The following RPS6KA2 variants were observed in gnomAD, a reference collection of about 807,000 sequenced individuals.
RPS6KA2 encodes the protein ribosomal protein S6 kinase alpha-2.
Under a neutral mutation model 91.8 loss-of-function variants are expected in RPS6KA2, and 42 were observed. The observed-to-expected ratio is 0.46, with a 90% CI of 0.36 to 0.59. The LOEUF is 0.59. Among genes scored for constraint, RPS6KA2 ranks in the 20% least tolerant of loss-of-function variants. The pLI, the probability that RPS6KA2 is intolerant of heterozygous loss-of-function variation, is 0.00. For missense variants in RPS6KA2, 798 were observed against 978.5 expected (o/e 0.82, Z 2.46); for synonymous variants, 414 against 393.6 (o/e 1.05, Z -0.61).
intron 14 of RPS6KA2, among the ~76,000 whole-genome samples, chr6:166,439,722 T>C (rs1225606156): frequency 2.0e-5 from 3 of 152,118 alleles, no homozygotes; most frequent in Admixed American, 6.5e-5. Context: ...CCTGTGGGCT[T>C]TGGGTGCATA....
chr6:166,704,061 A>G (rs1789608854), intron 2 of RPS6KA2, among the ~76,000 whole-genome samples: 1 of 152,242 alleles, frequency 6.6e-6, no homozygotes, highest in Non-Finnish European at 1.5e-5. Flanking sequence ...CAGAAAGCTG[A>G]GGAGCCAGAA....
intron 2 of RPS6KA2, among the ~76,000 whole-genome samples, chr6:166,831,081 T>C (rs765970754): frequency 3.9e-4 from 59 of 152,060 alleles, no homozygotes; most frequent in Non-Finnish European, 7.1e-4. Flanking sequence ...GACCCTCCAG[T>C]GGCAGGGGGT....
At chr6:166,754,092 T>C (rs1286661282) in intron 2 of RPS6KA2, among the ~76,000 whole-genome samples, 1 of 152,218 alleles carries the variant, frequency 6.6e-6, no homozygotes, top group East Asian at 1.9e-4. Context: ...GATGACTGCC[T>C]AGGACCGCCT....
intron 2 of RPS6KA2, among the ~76,000 whole-genome samples, chr6:166,660,421 TGAGA>T (rs148446807): frequency 6.7e-6 from 1 of 149,524 alleles, no homozygotes; most frequent in African/African-American, 2.5e-5. Flanking sequence ...TGTGTGTGTG[TGAGA>T]GAGAGAGAAG....
Position 166,494,463 on chromosome 6 carries a change from G to A in RPS6KA2, c.748-3722C>T, listed in dbSNP as rs1781710907. On this transcript the variant is annotated intron_variant, in intron 8 of 20. Coordinates refer to ENST00000265678, the MANE Select transcript of RPS6KA2 (RefSeq NM_021135.6). The surrounding 1 kb of genome is among the most constrained non-coding windows in gnomAD (Gnocchi z 5.1). ...AGGCGGGATGTCCAGAACATTCCGT[G>A]CCCGTGGTTAAGAAACGGGAGAAGG... is the stretch of plus-strand genomic sequence containing the variant. Among the ~76,000 whole-genome samples, 1 of 152,224 alleles carries A rather than the reference G, an allele frequency of 6.6e-6. No homozygotes were observed. The highest frequency in any genetic ancestry group is 1.5e-5 in the Non-Finnish European group (1 of 68,038).
chr6:166,468,513 C>T (rs530860047), intron 11 of RPS6KA2, among the ~76,000 whole-genome samples: 5 of 152,184 alleles, frequency 3.3e-5, no homozygotes, highest in African/African-American at 4.8e-5. Context: ...TCTGGGGCTG[C>T]AGGTGGGGCC....
chr6:166,527,432 C>T (rs953864259), intron 3 of RPS6KA2, among the ~76,000 whole-genome samples: 1 of 152,196 alleles, frequency 6.6e-6, no homozygotes, highest in Non-Finnish European at 1.5e-5. Context: ...TTGCCTTTGT[C>T]TTAAACCACA....
At chr6:166,755,163 G>A (rs1001213707) in intron 2 of RPS6KA2, among the ~76,000 whole-genome samples, 3 of 152,170 alleles carry the variant, frequency 2.0e-5, no homozygotes, top group African/African-American at 7.2e-5. Context: ...TTGCATCCAC[G>A]CATACTTCTA....
At chr6:166,776,271 T>C (rs1238069063) in intron 2 of RPS6KA2, among the ~76,000 whole-genome samples, 1 of 151,708 alleles carries the variant, frequency 6.6e-6, no homozygotes, top group African/African-American at 2.4e-5. Flanking sequence ...AAAAGCTGAG[T>C]TGTAAGAAGG....
chr6:166,545,518 A>G (rs79236912), intron 1 of RPS6KA2, among the ~76,000 whole-genome samples: 3,340 of 152,260 alleles, frequency 0.022, 126 homozygotes, highest in Admixed American at 0.1. Context: ...GACAGAGACT[A>G]TGGGAAGAAA....
intron 2 of RPS6KA2, among the ~76,000 whole-genome samples, chr6:166,795,454 A>G (rs926675563): frequency 1.3e-5 from 2 of 152,262 alleles, no homozygotes; most frequent in Non-Finnish European, 2.9e-5. Context: ...ATGTGGCATT[A>G]AAGAGCCAGT....
chr6:166,556,714 C>G (rs1003482006), intron 1 of RPS6KA2, among the ~76,000 whole-genome samples: 1 of 152,204 alleles, frequency 6.6e-6, no homozygotes, highest in Non-Finnish European at 1.5e-5. Context: ...TGTAATGTTA[C>G]TGTTTCTCTG....
intron 2 of RPS6KA2, among the ~76,000 whole-genome samples, chr6:166,811,821 C>T (rs1242376578): frequency 6.6e-6 from 1 of 152,168 alleles, no homozygotes; most frequent in Non-Finnish European, 1.5e-5. Flanking sequence ...TTATCATATA[C>T]ATAATTACTA....
At chr6:166,851,340 A>G (rs764811594) in intron 2 of RPS6KA2, among the ~76,000 whole-genome samples, 1 of 152,074 alleles carries the variant, frequency 6.6e-6, no homozygotes, top group Non-Finnish European at 1.5e-5. Context: ...CACAGAGAAA[A>G]CGGAGCTTTC....
At chr6:166,439,410 A>G (rs1350214991) in intron 14 of RPS6KA2, among the ~76,000 whole-genome samples, 2 of 152,182 alleles carry the variant, frequency 1.3e-5, no homozygotes, top group African/African-American at 4.8e-5. Context: ...GCCCGGCCAT[A>G]TATTTTTCTT....
At position 166,500,637 on chromosome 6, in the gene RPS6KA2, G is replaced by A. The variant is rs188684800; in HGVS notation, c.604+250C>T. Reference sequence around the variant, plus strand: ...CTAAACACCCAGCGACGCTGAAGGAGCCCAGCAAACAGAACGTGGCAGGGG... The same window carrying A: ...CTAAACACCCAGCGACGCTGAAGGAACCCAGCAAACAGAACGTGGCAGGGG... On this transcript the variant is annotated intron_variant, in intron 7 of 20. Transcript: ENST00000265678. This position sits in a 1 kb window ranked among gnomAD's most constrained non-coding sequence, Gnocchi z 4.3. Among the ~76,000 whole-genome samples, 1 of 152,338 alleles carries A rather than the reference G, an allele frequency of 6.6e-6. No individual in the cohort carries two copies. Among genetic ancestry groups the A allele is most frequent in the Admixed American group, 6.5e-5 (1 of 15,308 alleles).
chr6:166,808,511 C>T (rs1483478877), intron 2 of RPS6KA2, among the ~76,000 whole-genome samples: 2 of 152,168 alleles, frequency 1.3e-5, no homozygotes, highest in Admixed American at 6.5e-5. Context: ...CTGTGCTTTC[C>T]TGGTGCCTGG....
At chr6:166,654,561 C>T (rs540082066) in intron 2 of RPS6KA2, among the ~76,000 whole-genome samples, 5 of 152,312 alleles carry the variant, frequency 3.3e-5, no homozygotes, top group Admixed American at 2.0e-4. Context: ...CCCCAATATC[C>T]TTAAACTGAT....
chr6:166,848,536 C>T lies in RPS6KA2; in HGVS notation c.123+9664G>A, dbSNP rs1780660904. 2.0e-5 allele frequency among the ~76,000 whole-genome samples: 3 copies of T among 152,046 alleles called. No homozygotes were observed. In the South Asian group the frequency reaches 6.2e-4, roughly 32 times the overall value. ...CCCATCAGTCAATTAGTGGATAAAGCAACTGTGGTATATATACCATGGAAT... is the reference window on the plus strand; with the variant it reads ...CCCATCAGTCAATTAGTGGATAAAGTAACTGTGGTATATATACCATGGAAT... On this transcript the variant is annotated intron_variant, in intron 2 of 21. Coordinates refer to the RPS6KA2 transcript ENST00000503859.
Sources: allele counts gnomAD v4.1 joint callset (sites outside exome capture counted in the v4.1 genomes callset), GRCh38; gene constraint gnomAD v4.1.1; non-coding constraint Gnocchi (gnomAD v3.1); transcripts MANE v1.5; gene names NCBI Gene and HGNC (gene_info 2026-07-23, HGNC 2026-07-21).